The following PYM1 variants were observed in gnomAD, a reference collection of about 807,000 sequenced individuals.
PYM1 encodes PYM1 exon junction complex associated factor.
PYM1 carries 7 observed loss-of-function variants against 20.7 expected under a neutral mutation model. The observed-to-expected ratio is 0.34, with a 90% CI of 0.19 to 0.64. PYM1 has a LOEUF of 0.64. PYM1 is among the 30% of genes least tolerant of loss of function. The probability of loss-of-function intolerance (pLI) is 0.74; values close to 1 mark genes in which losing one functional copy is unlikely to be tolerated. For synonymous variants in PYM1, 100 were observed against 99.2 expected (o/e 1.01, Z -0.05); for missense variants, 194 against 250.0 (o/e 0.78, Z 1.51).
At chr12:55,923,418 T>C (rs1020784066) in intron 1 of PYM1, among the ~76,000 whole-genome samples, 1 of 151,408 alleles carries the variant, frequency 6.6e-6, no homozygotes, top group African/African-American at 2.4e-5. Flanking sequence ...ATACAAAAAT[T>C]AGCCAGGCGT....
chr12:55,921,835 A>C (rs1883102542), intron 1 of PYM1, among the ~76,000 whole-genome samples: 1 of 152,226 alleles, frequency 6.6e-6, no homozygotes, highest in African/African-American at 2.4e-5. Context: ...ACATAAATTA[A>C]TAAAGGAAAA....
chr12:55,914,471 C>T, intron 1 of PYM1: 1 of 642,448 alleles, frequency 1.6e-6, no homozygotes. Context: ...TCTTTTTAAG[C>T]TTTGTCATTT....
intron 1 of PYM1, among the ~76,000 whole-genome samples, chr12:55,926,552 C>A (rs1883190412): frequency 6.6e-6 from 1 of 152,194 alleles, no homozygotes; most frequent in African/African-American, 2.4e-5. Flanking sequence ...GGGTCCTCTT[C>A]CCTTCACACC....
chr12:55,925,041 A>C (rs1344692237), intron 1 of PYM1, among the ~76,000 whole-genome samples: 1 of 152,250 alleles, frequency 6.6e-6, no homozygotes, highest in African/African-American at 2.4e-5. Context: ...GCAGAAGTTA[A>C]GTTATATTGA....
Position 55,901,925 on chromosome 12 carries a change from C to T in PYM1, c.562G>A (p.Ala188Thr). The T allele has an allele frequency of 6.2e-7, 1 of 1,614,010 alleles. No individual in the cohort carries two copies. The change falls in exon 3 of 3, where the codon GCA (alanine) becomes ACA (threonine). Residue 188 changes from alanine (A) to threonine (T), a missense_variant. Ala to Thr is a moderately conservative substitution (Grantham distance 58). Around this residue, in one of 3 missense-constraint regions of PYM1, gnomAD observed 158 missense variants for 179.0 expected, o/e 0.88. Transcript: ENST00000408946. Reference sequence around the variant, plus strand: ...TCCTCTTCTAGCGCCCTCCTCCTTGCTAGCTTTTCTAGCTGCTCTTTGCTA... The same window carrying T: ...TCCTCTTCTAGCGCCCTCCTCCTTGTTAGCTTTTCTAGCTGCTCTTTGCTA... ...QPSKEQLEKL[A>T]RRRALEEELE...
intron 1 of PYM1, among the ~76,000 whole-genome samples, chr12:55,910,780 T>C (rs1882908671): frequency 6.6e-6 from 1 of 152,178 alleles, no homozygotes; most frequent in Admixed American, 6.5e-5. Flanking sequence ...ATCACTCAAA[T>C]ACATTTAAGA....
intron 1 of PYM1, among the ~76,000 whole-genome samples, chr12:55,925,916 C>T (rs1013929851): frequency 6.6e-6 from 1 of 152,064 alleles, no homozygotes; most frequent in Non-Finnish European, 1.5e-5. Context: ...GGGTAGAGAA[C>T]AGAAGGAAAG....
intron 1 of PYM1, among the ~76,000 whole-genome samples, chr12:55,907,896 T>G (rs146070121): frequency 6.6e-6 from 1 of 151,144 alleles, no homozygotes; most frequent in East Asian, 2.0e-4. Flanking sequence ...CAAGATCATG[T>G]CATTGCACTC....
At chr12:55,926,936 GA>G in intron 1 of PYM1, 1 of 883,792 alleles carries the variant, frequency 1.1e-6, no homozygotes. Flanking sequence ...CACCCCGTAG[GA>G]GAGAATGAAT....
At chr12:55,906,987 A>T (rs1001507461) in intron 1 of PYM1, among the ~76,000 whole-genome samples, 1 of 151,880 alleles carries the variant, frequency 6.6e-6, no homozygotes, top group Non-Finnish European at 1.5e-5. Context: ...GGCAACACTT[A>T]AAGACATGTA....
chr12:55,915,006 G>C (rs1882981559), intron 1 of PYM1, among the ~76,000 whole-genome samples: 1 of 151,888 alleles, frequency 6.6e-6, no homozygotes, highest in African/African-American at 2.4e-5. Context: ...ACGAGGTCAC[G>C]AGATGGAGAC....
chr12:55,904,585 G>A (rs1882755544), intron 1 of PYM1, among the ~76,000 whole-genome samples: 2 of 101,396 alleles, frequency 2.0e-5, no homozygotes, highest in Admixed American at 1.6e-4. Context: ...AACGGAGTGA[G>A]ACTCCATCTC....
intron 1 of PYM1, among the ~76,000 whole-genome samples, chr12:55,916,617 G>A (rs1484485606): frequency 3.3e-5 from 5 of 151,966 alleles, no homozygotes; most frequent in Non-Finnish European, 5.9e-5. Flanking sequence ...GACCAACATG[G>A]AGAAAGCCCC....
intron 1 of PYM1, among the ~76,000 whole-genome samples, chr12:55,924,266 G>C (rs572947322): frequency 3.3e-5 from 5 of 152,088 alleles, no homozygotes; most frequent in Non-Finnish European, 7.3e-5. Context: ...ACTCGAGAGA[G>C]GGTAGTGCTA....
intron 1 of PYM1, among the ~76,000 whole-genome samples, chr12:55,912,893 G>C (rs1452861580): frequency 1.3e-5 from 2 of 151,364 alleles, no homozygotes; most frequent in Non-Finnish European, 2.9e-5. Context: ...GAACCCGGGA[G>C]GCGGAGGTTG....
intron 1 of PYM1, among the ~76,000 whole-genome samples, chr12:55,907,609 G>T (rs1882844392): frequency 6.7e-6 from 1 of 149,222 alleles, no homozygotes; most frequent in Non-Finnish European, 1.5e-5. Flanking sequence ...ACTCCAGCCT[G>T]GTGACAGAGC....
At chr12:55,923,028 C>A (rs779962635) in intron 1 of PYM1, among the ~76,000 whole-genome samples, 2 of 151,754 alleles carry the variant, frequency 1.3e-5, no homozygotes, top group Non-Finnish European at 2.9e-5. Context: ...GAGTTTGAGA[C>A]CAACCTGACC....
At chr12:55,925,642 C>T (rs1883174922) in intron 1 of PYM1, among the ~76,000 whole-genome samples, 1 of 152,178 alleles carries the variant, frequency 6.6e-6, no homozygotes, top group African/African-American at 2.4e-5. Flanking sequence ...ATGGCAATAC[C>T]TTCCATGAGG....
At chr12:55,910,882 G>GT (rs1882909966) in intron 1 of PYM1, among the ~76,000 whole-genome samples, 1 of 152,176 alleles carries the variant, frequency 6.6e-6, no homozygotes, top group Non-Finnish European at 1.5e-5. Flanking sequence ...TTGACAATTG[G>GT]TTGAGTTTGT....
Sources: allele counts gnomAD v4.1 joint callset (sites outside exome capture counted in the v4.1 genomes callset), GRCh38; gene constraint gnomAD v4.1.1; regional missense constraint gnomAD v4.1.1; transcripts MANE v1.5; gene names NCBI Gene and HGNC (gene_info 2026-07-23, HGNC 2026-07-21).